Variants in TFB1M observed in about 807,000 individuals in gnomAD.
TFB1M encodes the protein dimethyladenosine transferase 1, mitochondrial.
TFB1M carries 27 observed loss-of-function variants against 31.1 expected under a neutral mutation model. The ratio of observed to expected loss-of-function variants is 0.87; its 90% CI spans 0.64 to 1.20. The LOEUF is 1.20. TFB1M is among the 50% of genes most tolerant of loss of function. TFB1M has a pLI of 0.00. For missense variants in TFB1M, 394 were observed against 418.7 expected (o/e 0.94, Z 0.51); for synonymous variants, 166 against 151.8 (o/e 1.09, Z -0.69).
rs575309405 is a variant in TFB1M at position 155,282,088 on chromosome 6, A to G, written c.666+3070T>C. On this transcript the variant is annotated intron_variant, in intron 5 of 6. Coordinates refer to ENST00000367166, the MANE Select transcript of TFB1M (RefSeq NM_016020.4). The stretch of plus-strand genomic sequence containing the variant: ...TGTAAATAATTTCATTAACAGTGAA[A>G]TGAAAACACAAAATTAAAAAAATTC... Among the ~76,000 whole-genome samples, 15 of 152,342 alleles carry G rather than the reference A, an allele frequency of 9.8e-5. No homozygotes were observed. The South Asian group carries it at 3.1e-3, about 32-fold the overall frequency.
intron 1 of TFB1M, among the ~76,000 whole-genome samples, chr6:155,313,723 C>A (rs1343732536): frequency 6.6e-6 from 1 of 152,130 alleles, no homozygotes; most frequent in Non-Finnish European, 1.5e-5. Context: ...GGAAACACCG[C>A]CTTGTTCACG....
chr6:155,296,201 C>T (rs907107090), intron 4 of TFB1M, among the ~76,000 whole-genome samples: 1 of 152,050 alleles, frequency 6.6e-6, no homozygotes, highest in South Asian at 2.1e-4. Flanking sequence ...AATTTATATA[C>T]TGAATAATGA....
At chr6:155,240,219 A>C in the TFB1M span, among the ~76,000 whole-genome samples, 2 of 152,208 alleles carry the variant, frequency 1.3e-5, no homozygotes, top group Non-Finnish European at 1.5e-5. Context: ...GAGCTACCTC[A>C]CCTTGACTGC....
In TFB1M at chr6:155,257,278, T is replaced by G. The variant is rs1784121272; in HGVS notation, c.*558A>C. On this transcript the variant is annotated 3_prime_UTR_variant, in exon 7 of 7. Transcript: ENST00000367166. ...AAATGGTTGTAAAGATTTAAGTTAT[T>G]TTAATTTATTGTGGATCAGAAACCT... 1 of 840,792 alleles carries G rather than the reference T, an allele frequency of 1.2e-6. No individual in the cohort carries two copies. The highest frequency in any genetic ancestry group is 1.8e-6 in the Non-Finnish European group (1 of 560,508). 52.1% of individuals were successfully genotyped at this position (840,792 alleles called of 1,614,324 possible). A position where few individuals can be genotyped will look rare whatever the true frequency, so the allele number is the denominator to read the frequency against.
At chr6:155,259,380 G>A (rs1259998048) in intron 6 of TFB1M, among the ~76,000 whole-genome samples, 2 of 152,238 alleles carry the variant, frequency 1.3e-5, no homozygotes, top group Non-Finnish European at 2.9e-5. Context: ...ACAAGTGGCA[G>A]GCTGAGGCTC....
chr6:155,258,637 A>C (rs1784235968), intron 6 of TFB1M, among the ~76,000 whole-genome samples: 2 of 152,262 alleles, frequency 1.3e-5, no homozygotes, highest in Non-Finnish European at 2.9e-5. Flanking sequence ...TTTAAATTTC[A>C]TCTATCCAAA....
At chr6:155,306,827 CAA>C (rs1370330106) in intron 2 of TFB1M, among the ~76,000 whole-genome samples, 1 of 152,074 alleles carries the variant, frequency 6.6e-6, no homozygotes, top group Non-Finnish European at 1.5e-5. Flanking sequence ...ACATATATGT[CAA>C]AACTCAGTTA....
chr6:155,257,589 G>GTAA lies in TFB1M; in HGVS notation c.*244_*246dup. The GTAA allele has an allele frequency of 2.1e-6, 1 of 470,942 alleles. No individual in the cohort carries two copies. The highest frequency in any genetic ancestry group is 3.7e-6 in the Non-Finnish European group (1 of 269,138). 29.2% of individuals were successfully genotyped at this position (470,942 alleles called of 1,614,324 possible). A position where few individuals can be genotyped will look rare whatever the true frequency, so the allele number is the denominator to read the frequency against. The stretch of plus-strand genomic sequence containing the variant: ...ATACTTCATTTTTGTAAGATAGATT[G>GTAA]TAATAGATGCTGTTTATACTAAACA... On this transcript the variant is annotated 3_prime_UTR_variant, in exon 7 of 7. Transcript: ENST00000367166.
At chr6:155,305,602 A>AAT (rs1194940706) in intron 2 of TFB1M, among the ~76,000 whole-genome samples, 4 of 11,018 alleles carry the variant, frequency 3.6e-4, no homozygotes, top group Non-Finnish European at 5.1e-4. Context: ...TTTATATATA[A>AAT]ATATATATAT....
At chr6:155,247,810 T>G in the TFB1M span, among the ~76,000 whole-genome samples, 1 of 152,350 alleles carries the variant, frequency 6.6e-6, no homozygotes, top group South Asian at 2.1e-4. Context: ...TCCAGGGCTC[T>G]GTCAGGGCTG....
At chr6:155,254,823 A>C, downstream of TFB1M, 1 of 450,802 alleles carries the variant, frequency 2.2e-6, no homozygotes, top group Non-Finnish European at 4.1e-6. Context: ...TGTTTCTTCC[A>C]CTAAGATGTG....
At chr6:155,299,497 T>C (rs943451505) in intron 2 of TFB1M, 7 of 152,218 alleles carry the variant, frequency 4.6e-5, no homozygotes, top group Non-Finnish European at 1.0e-4. Flanking sequence ...TCTGAGCTTA[T>C]AAATTTACTT....
At position 155,257,025 on chromosome 6, in the gene TFB1M, A is replaced by AAAT. The variant is rs1335717487; in HGVS notation, c.*808_*810dup. On this transcript the variant is annotated 3_prime_UTR_variant, in exon 7 of 7. Coordinates refer to ENST00000367166, the MANE Select transcript of TFB1M (RefSeq NM_016020.4). ...AGTCTGAAAATGCCACCATCGACCT[A>AAAT]AATTCTGTTCTAGAGCGAGAATTCA... 1 of 1,614,044 alleles carries AAAT rather than the reference A, an allele frequency of 6.2e-7. No individual in the cohort carries two copies. Among genetic ancestry groups the AAAT allele is most frequent in the Non-Finnish European group, 8.5e-7 (1 of 1,180,022 alleles).
intron 2 of TFB1M, among the ~76,000 whole-genome samples, chr6:155,302,574 C>T (rs112745563): frequency 2.6e-5 from 4 of 151,902 alleles, no homozygotes; most frequent in Non-Finnish European, 1.5e-5. Flanking sequence ...TAAAAATGTA[C>T]GTTTTCAGAC....
intron 1 of TFB1M, among the ~76,000 whole-genome samples, chr6:155,312,405 T>G (rs1312864751): frequency 1.3e-5 from 2 of 152,326 alleles, no homozygotes; most frequent in East Asian, 3.9e-4. Context: ...AACTTTTCAG[T>G]TTCCTTGTCT....
the TFB1M span, among the ~76,000 whole-genome samples, chr6:155,241,907 T>C: frequency 6.6e-6 from 1 of 152,162 alleles, no homozygotes; most frequent in South Asian, 2.1e-4. Flanking sequence ...ATCTTGAGAA[T>C]AGTCATGGAG....
chr6:155,262,283 C>A (rs888341164), intron 5 of TFB1M, among the ~76,000 whole-genome samples: 1 of 152,186 alleles, frequency 6.6e-6, no homozygotes, highest in Non-Finnish European at 1.5e-5. Flanking sequence ...AAGACACACT[C>A]CACTGACTTC....
chr6:155,285,358 C>T, intron 4 of TFB1M, 81 bp from the exon 5 acceptor site: 1 of 1,565,174 alleles, frequency 6.4e-7, no homozygotes, highest in East Asian at 2.3e-5. Flanking sequence ...TCCATTATTT[C>T]TGAACACTAG....
At chr6:155,234,120 T>A in the TFB1M span, among the ~76,000 whole-genome samples, 2 of 152,192 alleles carry the variant, frequency 1.3e-5, no homozygotes, top group African/African-American at 2.4e-5. Flanking sequence ...CATGCTCTTT[T>A]ATGAAAGCTG....
Sources: gnomAD v4.1 joint callset for allele counts (sites outside exome capture counted in the v4.1 genomes callset) on GRCh38, gnomAD v4.1.1 for gene constraint, MANE v1.5 for transcripts, NCBI Gene and HGNC (gene_info 2026-07-23, HGNC 2026-07-21) for gene names.